Variants in TMEM128 observed in about 807,000 individuals in gnomAD.
TMEM128 encodes transmembrane protein 128.
Under a neutral mutation model 19.7 loss-of-function variants are expected in TMEM128, and 16 were observed. The ratio of observed to expected loss-of-function variants is 0.81; its 90% CI spans 0.55 to 1.23. The LOEUF is 1.23. TMEM128 is among the 50% of genes most tolerant of loss of function. The pLI is 0.00. For missense variants in TMEM128, 237 were observed against 200.8 expected, an observed-to-expected ratio of 1.18 and a Z score of -1.09; for synonymous variants, 98 against 75.8, an observed-to-expected ratio of 1.29 and a Z score of -1.52.
At chr4:4,241,844 T>C (rs929257950) in intron 2 of TMEM128, among the ~76,000 whole-genome samples, 2 of 152,228 alleles carry the variant, frequency 1.3e-5, no homozygotes, top group Admixed American at 6.5e-5. Flanking sequence ...GTCAGCAAAG[T>C]GCTCCTCACA....
At chr4:4,239,304 C>A (rs1294066719) in intron 3 of TMEM128, among the ~76,000 whole-genome samples, 5 of 152,066 alleles carry the variant, frequency 3.3e-5, no homozygotes, top group Non-Finnish European at 5.9e-5. Flanking sequence ...CGAAGTCCAA[C>A]AACAGAAGAC....
chr4:4,246,276 C>T lies in TMEM128; in HGVS notation c.165G>A (p.Trp55Ter). Residue 55 changes from tryptophan to a stop codon, truncating the protein, a stop_gained, in exon 2 of 5, where the codon TGG (tryptophan) becomes TGA (stop). Coordinates refer to ENST00000382753, the MANE Select transcript of TMEM128 (RefSeq NM_001297551.2). LOFTEE classifies it high-confidence loss of function. ...AGGTCACAACAATGGATGCCAAAAT[C>T]CAGAATCCAGAATGGATATTAAGTC... ...LPRLNIHSGF[W>*]ILASIVVTYY... The T allele has an allele frequency of 1.2e-6, 2 of 1,612,852 alleles. No individual in the cohort carries two copies. The highest frequency in any genetic ancestry group is 1.7e-6 in the Non-Finnish European group (2 of 1,179,532).
At chr4:4,247,849 C>A (rs1718255116) in intron 1 of TMEM128, 2 of 1,430,686 alleles carry the variant, frequency 1.4e-6, no homozygotes, top group Non-Finnish European at 1.8e-6. Flanking sequence ...ATCCTTAAGA[C>A]TTAAAACTGG....
intron 3 of TMEM128, among the ~76,000 whole-genome samples, chr4:4,239,709 T>A (rs1418502149): frequency 6.6e-6 from 1 of 152,234 alleles, no homozygotes; most frequent in Non-Finnish European, 1.5e-5. Flanking sequence ...AACAATGGAA[T>A]GCTAAAGAGC....
chr4:4,236,237 C>A lies in TMEM128; in HGVS notation c.*29G>T, dbSNP rs1458440313. The A allele has an allele frequency of 7.1e-6, 1 of 140,438 alleles. No homozygotes were observed. Among genetic ancestry groups the A allele is most frequent in the Admixed American group, 7.5e-5 (1 of 13,352 alleles). The allele number at this position is 140,438 out of a possible 1,614,324, so 8.7% of individuals were successfully genotyped here. On this transcript the variant is annotated 3_prime_UTR_variant, in exon 5 of 5. Coordinates refer to ENST00000382753, the MANE Select transcript of TMEM128 (RefSeq NM_001297551.2). ...CCCAGGAGTTCAAAGACAGCCTGGG[C>A]AACATAGAAGACCCTGTCTCTTAAA... is the stretch of plus-strand genomic sequence containing the variant.
At chr4:4,248,064 C>T in intron 1 of TMEM128, 42 bp downstream of exon 1, 1 of 1,532,724 alleles carries the variant, frequency 6.5e-7, no homozygotes, top group Non-Finnish European at 8.7e-7. Context: ...TTTCCGACGC[C>T]TCGCCTCTGA....
At chr4:4,243,346 C>T (rs958672685) in intron 2 of TMEM128, among the ~76,000 whole-genome samples, 62 of 152,144 alleles carry the variant, frequency 4.1e-4, no homozygotes, top group African/African-American at 1.4e-3. Context: ...CCTCCCAAAG[C>T]GCTGGGATTA....
rs538960352 is a variant in TMEM128 at position 4,247,939 on chromosome 4, T to C, written c.97+167A>G. 66 of 1,431,230 alleles carry C rather than the reference T, an allele frequency of 4.6e-5. No individual in the cohort carries two copies. In the African/African-American group the frequency reaches 8.0e-4, roughly 17 times the overall value. The allele number at this position is 1,431,230 out of a possible 1,614,324, so 88.7% of individuals were successfully genotyped here. On this transcript the variant is annotated intron_variant, in intron 1 of 4. Transcript: ENST00000382753. The stretch of plus-strand genomic sequence containing the variant: ...AGAGAATTCTGAAGCGCAGCTGAAA[T>C]GACGATGCACAGCACTCCGCGATTC...
intron 1 of TMEM128, chr4:4,247,863 G>C: frequency 7.0e-7 from 1 of 1,428,470 alleles, no homozygotes; most frequent in Non-Finnish European, 9.1e-7. Flanking sequence ...AAACTGGTGG[G>C]TATTTTTAAT....
rs1249548559 is a variant in TMEM128, at chr4:4,235,731, TAG to T, written c.*533_*534del. On this transcript the variant is annotated 3_prime_UTR_variant, in exon 5 of 5. Transcript: ENST00000382753. The stretch of plus-strand genomic sequence containing the variant: ...CAAAACTATCATAAATATGAGATTA[TAG>T]TAATTACTAAAGCTGGTTAAAGGCA... 2.6e-5 allele frequency: 4 copies of T among 152,756 alleles called. No individual in the cohort carries two copies. Among genetic ancestry groups the T allele is most frequent in the Non-Finnish European group, 5.9e-5 (4 of 68,018 alleles). 9.5% of individuals were successfully genotyped at this position (152,756 alleles called of 1,614,324 possible). A position where few individuals can be genotyped will look rare whatever the true frequency, so the allele number is the denominator to read the frequency against.
At chr4:4,247,979 G>T in intron 1 of TMEM128, 127 bp downstream of exon 1, 1 of 1,450,378 alleles carries the variant, frequency 6.9e-7, no homozygotes, top group Non-Finnish European at 9.0e-7. Context: ...GATCTTCCCT[G>T]ACATTAAATA....
At position 4,247,442 on chromosome 4, in the gene TMEM128, G is replaced by A. The variant is rs148730302; in HGVS notation, c.97+664C>T. Among the ~76,000 whole-genome samples, 590 of 151,848 alleles carry A rather than the reference G, an allele frequency of 3.9e-3. 2 individuals are homozygous for A. The highest frequency in any genetic ancestry group is 0.013 in the African/African-American group (544 of 41,182). On this transcript the variant is annotated intron_variant, in intron 1 of 4. Transcript: ENST00000382753. Reference sequence around the variant, plus strand: ...TAATTTTAAAAGGTAATAAATGGACGTGGTTTTAAAACATATGAGATAAAA... The same window carrying A: ...TAATTTTAAAAGGTAATAAATGGACATGGTTTTAAAACATATGAGATAAAA...
chr4:4,243,593 C>G (rs1014979155), intron 2 of TMEM128, among the ~76,000 whole-genome samples: 3 of 152,160 alleles, frequency 2.0e-5, no homozygotes, highest in East Asian at 1.9e-4. Flanking sequence ...TTCAATACCC[C>G]CCAACTCCCC....
chr4:4,238,726 G>T (rs921450431), intron 3 of TMEM128, among the ~76,000 whole-genome samples: 2 of 152,094 alleles, frequency 1.3e-5, no homozygotes, highest in African/African-American at 2.4e-5. Context: ...AAGGTATATG[G>T]TTCTTCCAAA....
intron 1 of TMEM128, 67 bp from the exon 2 acceptor site, chr4:4,246,410 C>A: frequency 6.7e-7 from 1 of 1,485,400 alleles, no homozygotes; most frequent in Non-Finnish European, 9.1e-7. Flanking sequence ...TACACTTAAG[C>A]CAAATAAAAT....
At chr4:4,243,564 C>A (rs1050965334) in intron 2 of TMEM128, among the ~76,000 whole-genome samples, 1 of 152,156 alleles carries the variant, frequency 6.6e-6, no homozygotes, top group African/African-American at 2.4e-5. Flanking sequence ...TTTTGTGCAG[C>A]CCTCTCATTT....
chr4:4,238,595 G>A (rs1717819968), intron 3 of TMEM128, among the ~76,000 whole-genome samples: 1 of 152,156 alleles, frequency 6.6e-6, no homozygotes, highest in South Asian at 2.1e-4. Flanking sequence ...TTACCCTCAT[G>A]GGAAAAAGTA....
chr4:4,240,446 G>A lies in TMEM128; in HGVS notation c.273C>T (p.Val91=), dbSNP rs1164879087. ...WFLCGSALLL[V]SLSIAFYCIV... is the part of the protein sequence containing the mutation. Reference sequence around the variant, plus strand: ...TGCAGTAAAATGCAATTGATAAACTGACAAGCAACAAGGCACTGCCACAGA... The same window carrying A: ...TGCAGTAAAATGCAATTGATAAACTAACAAGCAACAAGGCACTGCCACAGA... The change falls in exon 3 of 5, where the codon GTC becomes GTT. Residue 91 remains valine, a synonymous_variant. Transcript: ENST00000382753. 4 of 1,613,602 alleles carry A rather than the reference G, an allele frequency of 2.5e-6. No homozygotes were observed. The highest frequency in any genetic ancestry group is 3.4e-6 in the Non-Finnish European group (4 of 1,179,670).
At chr4:4,245,825 T>C (rs892365088) in intron 2 of TMEM128, among the ~76,000 whole-genome samples, 3 of 151,704 alleles carry the variant, frequency 2.0e-5, no homozygotes, top group African/African-American at 4.8e-5. Context: ...TGTATACATA[T>C]ACACACACAC....
Sources: allele counts gnomAD v4.1 joint callset (sites outside exome capture counted in the v4.1 genomes callset), GRCh38; gene constraint gnomAD v4.1.1; transcripts MANE v1.5; gene names NCBI Gene and HGNC (gene_info 2026-07-23, HGNC 2026-07-21).